Variants in TFDP2 observed in about 807,000 individuals in gnomAD.
TFDP2 encodes the protein transcription factor Dp-2.
A neutral mutation model predicts 59.3 loss-of-function variants in TFDP2; 17 were observed. That is an observed-to-expected ratio of 0.29 (90% confidence interval 0.20 to 0.43). The LOEUF (loss-of-function observed/expected upper bound fraction) is 0.43, where lower values mean the gene tolerates loss of function less well. Among genes scored for constraint, TFDP2 ranks in the 20% least tolerant of loss-of-function variants. TFDP2 has a pLI of 1.00. For missense variants in TFDP2, 391 were observed against 528.8 expected (o/e 0.74, Z 2.56); for synonymous variants, 180 against 194.7 (o/e 0.92, Z 0.63).
intron 1 of TFDP2, among the ~76,000 whole-genome samples, chr3:142,114,117 A>C (rs892789455): frequency 6.6e-6 from 1 of 152,016 alleles, no homozygotes; most frequent in Admixed American, 6.6e-5. Flanking sequence ...GCGAGCCGAA[A>C]TCGCGCCACT....
chr3:142,103,669 A>G (rs776805506), intron 1 of TFDP2, among the ~76,000 whole-genome samples: 24 of 152,226 alleles, frequency 1.6e-4, no homozygotes, highest in Non-Finnish European at 2.9e-4. Context: ...GGTGAAGGGC[A>G]TCTGGGAGTT....
At chr3:142,145,872 C>T (rs73236043) in intron 1 of TFDP2, among the ~76,000 whole-genome samples, 12,756 of 151,962 alleles carry the variant, frequency 0.084, 659 homozygotes, top group Middle Eastern at 0.14. Context: ...AGTAAGGCAA[C>T]TGTCAAAGTT....
rs114198860 is a variant in TFDP2, at chr3:142,069,200, C to T, written c.82+23861G>A. Among the ~76,000 whole-genome samples, 1,066 of 152,262 alleles carry T rather than the reference C, an allele frequency of 7.0e-3. 15 individuals carry two copies. Among genetic ancestry groups the T allele is most frequent in the African/African-American group, 0.024 (984 of 41,534 alleles). On this transcript the variant is annotated intron_variant, in intron 3 of 12. Coordinates refer to ENST00000489671, the MANE Select transcript of TFDP2 (RefSeq NM_001178139.2). ...AAGTGCTGGGATTACAGGAGTGAGA[C>T]ACCGCGCGCGGTTTCTTTTGTTAAT...
intron 9 of TFDP2, among the ~76,000 whole-genome samples, chr3:141,969,273 GATATAT>G (rs36189919): frequency 0.014 from 1,458 of 106,268 alleles, 96 homozygotes; most frequent in African/African-American, 0.052. Context: ...ATATATATGA[GATATAT>G]ATATATATAA....
chr3:142,149,142 G>A, intron 1 of TFDP2, 41 bp downstream of exon 1: 1 of 397,888 alleles, frequency 2.5e-6, no homozygotes, highest in Non-Finnish European at 4.4e-6. Flanking sequence ...GGGTCCAAAG[G>A]CCCTCCGCGC....
chr3:142,139,870 C>G lies in TFDP2; in HGVS notation c.-93+9313G>C, dbSNP rs533502622. On this transcript the variant is annotated intron_variant, in intron 1 of 12. Transcript: ENST00000489671. ...TTGGGGTTGCTCTTCTCAGGAGTAT[C>G]TTTGTGGTGTTCTCTGTATTTCCTG... Among the ~76,000 whole-genome samples, 121 of 152,234 alleles carry G rather than the reference C, an allele frequency of 7.9e-4. 1 individual carries two copies. The highest frequency in any genetic ancestry group is 2.7e-3 in the African/African-American group (113 of 41,540).
At chr3:142,117,967 ATG>A (rs2061901382) in intron 1 of TFDP2, among the ~76,000 whole-genome samples, 1 of 151,964 alleles carries the variant, frequency 6.6e-6, no homozygotes, top group Non-Finnish European at 1.5e-5. Flanking sequence ...GTGTGGTGGC[ATG>A]CGCCTGTAAT....
chr3:142,036,876 G>A (rs1348013188), intron 3 of TFDP2, among the ~76,000 whole-genome samples: 1 of 152,102 alleles, frequency 6.6e-6, no homozygotes, highest in Non-Finnish European at 1.5e-5. Flanking sequence ...TATTCCTGCT[G>A]TCCTGTCTTA....
intron 11 of TFDP2, 98 bp downstream of exon 11, chr3:141,959,576 A>G (rs1315629346): frequency 7.6e-7 from 1 of 1,317,152 alleles, no homozygotes. Flanking sequence ...ACAAGCACAG[A>G]TGTTCTAAAA....
Position 141,952,564 on chromosome 3 carries a change from G to C in TFDP2, c.1290C>G (p.Phe430Leu). 6.4e-7 allele frequency: 1 copy of C among 1,562,078 alleles called. No homozygotes were observed. Among genetic ancestry groups the C allele is most frequent in the Non-Finnish European group, 8.6e-7 (1 of 1,164,354 alleles). The change falls in exon 13 of 13, where the codon TTC (phenylalanine) becomes TTG (leucine). Residue 430 changes from phenylalanine to leucine, a missense_variant. Phe to Leu is a conservative substitution (Grantham distance 22). Around this residue, in one of 3 missense-constraint regions of TFDP2, gnomAD observed 223 missense variants for 292.5 expected, o/e 0.76. Coordinates refer to ENST00000489671, the MANE Select transcript of TFDP2 (RefSeq NM_001178139.2). ...SESRGETPCS[F>L]NDEDEEDDEE... Reference sequence around the variant, plus strand: ...CATCATCTTCCTCATCTTCATCATTGAACGAACAGGGGGTCTCGCCTCGGG... The same window carrying C: ...CATCATCTTCCTCATCTTCATCATTCAACGAACAGGGGGTCTCGCCTCGGG...
At chr3:142,119,525 T>C (rs186392034) in intron 1 of TFDP2, among the ~76,000 whole-genome samples, 4 of 151,782 alleles carry the variant, frequency 2.6e-5, no homozygotes, top group Admixed American at 1.3e-4. Context: ...CTGTGGAAAA[T>C]AGAATGGCAA....
At chr3:142,095,955 T>C (rs745593155) in intron 2 of TFDP2, among the ~76,000 whole-genome samples, 4 of 152,212 alleles carry the variant, frequency 2.6e-5, no homozygotes, top group Non-Finnish European at 5.9e-5. Context: ...TTATACAACC[T>C]CAACTAAACC....
chr3:141,946,347 C>T lies in TFDP2; in HGVS notation c.*6166G>A, dbSNP rs1338417471. The T allele has an allele frequency of 6.6e-6, 1 of 152,384 alleles. No individual in the cohort carries two copies. The highest frequency in any genetic ancestry group is 2.1e-4 in the South Asian group (1 of 4,834). The allele number at this position is 152,384 out of a possible 1,614,324, so 9.4% of individuals were successfully genotyped here. A position where few individuals can be genotyped will look rare whatever the true frequency, so the allele number is the denominator to read the frequency against. On this transcript the variant is annotated 3_prime_UTR_variant, in exon 13 of 13. Transcript: ENST00000489671. ...ATAAGCAGTGAAGACCAAAGTCTAACCTGCTGAAACAGCAAGGGGCAAGAC... is the reference window on the plus strand; with the variant it reads ...ATAAGCAGTGAAGACCAAAGTCTAATCTGCTGAAACAGCAAGGGGCAAGAC...
intron 3 of TFDP2, among the ~76,000 whole-genome samples, chr3:142,017,559 T>G (rs1945232063): frequency 1.4e-5 from 2 of 145,860 alleles, no homozygotes; most frequent in African/African-American, 5.1e-5. Context: ...TTTTTTTTTT[T>G]TTTTTTTTTT....
intron 6 of TFDP2, among the ~76,000 whole-genome samples, chr3:141,985,463 T>C (rs573479762): frequency 5.1e-5 from 7 of 136,672 alleles, no homozygotes; most frequent in Non-Finnish European, 9.0e-5. Context: ...AAGGCTGTAG[T>C]GAGCCATGAC....
At chr3:142,134,782 T>C (rs974398447) in intron 1 of TFDP2, among the ~76,000 whole-genome samples, 1 of 152,032 alleles carries the variant, frequency 6.6e-6, no homozygotes, top group African/African-American at 2.4e-5. Context: ...CAAACCTAGA[T>C]ACATAGTCTA....
chr3:141,995,142 C>A lies in TFDP2; in HGVS notation c.187-1G>T. On this transcript the variant is annotated splice_acceptor_variant, in intron 4 of 12. Transcript: ENST00000489671. LOFTEE classifies it high-confidence loss of function. Reference sequence around the variant, plus strand: ...TTAGTCTCTGTGGTGTGCTTATAATCTGTAAAGTTAGGAACAAAGAATATA... The same window carrying A: ...TTAGTCTCTGTGGTGTGCTTATAATATGTAAAGTTAGGAACAAAGAATATA... The A allele has an allele frequency of 6.3e-7, 1 of 1,578,434 alleles. No homozygotes were observed. The highest frequency in any genetic ancestry group is 8.6e-7 in the Non-Finnish European group (1 of 1,164,130).
intron 3 of TFDP2, among the ~76,000 whole-genome samples, chr3:142,005,860 T>TA (rs1282804696): frequency 1.3e-5 from 2 of 152,196 alleles, no homozygotes; most frequent in African/African-American, 4.8e-5. Context: ...TTTTAGAGAA[T>TA]ATGTAACGCA....
intron 6 of TFDP2, among the ~76,000 whole-genome samples, chr3:141,987,465 TAG>T (rs1942227176): frequency 6.6e-6 from 1 of 151,548 alleles, no homozygotes; most frequent in Non-Finnish European, 1.5e-5. Context: ...GTATTTTTAG[TAG>T]AGACTGGGTT....
Sources: allele counts gnomAD v4.1 joint callset (sites outside exome capture counted in the v4.1 genomes callset), GRCh38; gene constraint gnomAD v4.1.1; regional missense constraint gnomAD v4.1.1; transcripts MANE v1.5; gene names NCBI Gene and HGNC (gene_info 2026-07-23, HGNC 2026-07-21).